The following AGBL4 variants were observed in gnomAD, a reference collection of about 807,000 sequenced individuals.
AGBL4 encodes the protein AGBL carboxypeptidase 4.
A neutral mutation model predicts 66.4 loss-of-function variants in AGBL4; 58 were observed. The observed-to-expected ratio is 0.87, with a 90% CI of 0.71 to 1.09. The LOEUF (loss-of-function observed/expected upper bound fraction) is 1.09, where lower values mean the gene tolerates loss of function less well. Among genes scored for constraint, AGBL4 ranks in the 50% least tolerant of loss-of-function variants. The probability of loss-of-function intolerance (pLI) is 0.00; values close to 1 mark genes in which losing one functional copy is unlikely to be tolerated. For synonymous variants in AGBL4, 234 were observed against 222.9 expected (o/e 1.05, Z -0.44); for missense variants, 579 against 631.0 (o/e 0.92, Z 0.88).
At chr1:48,637,581 A>G (rs1645688592) in intron 8 of AGBL4, among the ~76,000 whole-genome samples, 2 of 152,220 alleles carry the variant, frequency 1.3e-5, no homozygotes. Context: ...ACTCCTGCCC[A>G]GGACGTAAAC....
chr1:48,528,950 G>T (rs983282086), downstream of AGBL4, among the ~76,000 whole-genome samples: 15 of 152,114 alleles, frequency 9.9e-5, no homozygotes, highest in South Asian at 2.5e-3. Context: ...ATGAGGCTGG[G>T]TGAATATCAT....
chr1:48,980,737 A>C, intron 5 of AGBL4, among the ~76,000 whole-genome samples: 1 of 3,694 alleles, frequency 2.7e-4, no homozygotes, highest in African/African-American at 7.5e-4. Context: ...ATATATATAT[A>C]TATATATATA....
chr1:49,747,505 G>C (rs1651079528), intron 2 of AGBL4, among the ~76,000 whole-genome samples: 1 of 152,106 alleles, frequency 6.6e-6, no homozygotes, highest in Non-Finnish European at 1.5e-5. Flanking sequence ...TGAGATTACA[G>C]GTTAAAACTA....
chr1:49,177,389 T>C (rs981605135), intron 4 of AGBL4, among the ~76,000 whole-genome samples: 10 of 152,188 alleles, frequency 6.6e-5, no homozygotes, highest in African/African-American at 2.4e-4. Flanking sequence ...CACATCACAA[T>C]CATAATCCCC....
chr1:48,982,033 T>C (rs917392108), intron 5 of AGBL4, among the ~76,000 whole-genome samples: 2 of 152,138 alleles, frequency 1.3e-5, no homozygotes, highest in African/African-American at 4.8e-5. Context: ...ACTAGGTAGA[T>C]AAATGGTGAA....
chr1:48,927,653 G>A (rs1228119841), intron 5 of AGBL4, among the ~76,000 whole-genome samples: 2 of 152,198 alleles, frequency 1.3e-5, no homozygotes, highest in African/African-American at 2.4e-5. Flanking sequence ...TAACACTCTT[G>A]CTAAGCAGAC....
chr1:48,763,772 G>A (rs1351660264), intron 6 of AGBL4, among the ~76,000 whole-genome samples: 2 of 152,164 alleles, frequency 1.3e-5, no homozygotes, highest in African/African-American at 4.8e-5. Flanking sequence ...CAGATCATCC[G>A]ATTCTATTTT....
In AGBL4 at chr1:49,495,455, A is replaced by G. The variant is rs531006172; in HGVS notation, c.282+201858T>C. ...CTTCCAACATGGCCCAGGGAATCCA[A>G]AAGATTAGACAGCCCTGTCTTAAAG... On this transcript the variant is annotated intron_variant, in intron 3 of 13. Transcript: ENST00000371839. Among the ~76,000 whole-genome samples the G allele has an allele frequency of 4.9e-4, 75 of 152,152 alleles. 1 individual carries two copies. Among genetic ancestry groups the G allele is most frequent in the African/African-American group, 1.6e-3 (67 of 41,544 alleles).
At chr1:49,007,370 G>A (rs1661944839) in intron 5 of AGBL4, among the ~76,000 whole-genome samples, 3 of 149,298 alleles carry the variant, frequency 2.0e-5, no homozygotes, top group African/African-American at 4.9e-5. Context: ...AGAAATATGG[G>A]ACTATGTGAA....
At chr1:49,034,618 T>C (rs1287247669) in intron 5 of AGBL4, among the ~76,000 whole-genome samples, 5 of 152,052 alleles carry the variant, frequency 3.3e-5, no homozygotes, top group African/African-American at 9.7e-5. Context: ...CAGTAGGAGG[T>C]AGTTTAATCA....
intron 1 of AGBL4, among the ~76,000 whole-genome samples, chr1:49,921,097 G>C (rs985757596): frequency 6.6e-6 from 1 of 152,110 alleles, no homozygotes; most frequent in Non-Finnish European, 1.5e-5. Context: ...TCGTGGGGTG[G>C]GAGTATGGGG....
rs577273556 is a variant in AGBL4, at chr1:49,373,681, AT to A, written c.283-127818del. On this transcript the variant is annotated intron_variant, in intron 3 of 13. Coordinates refer to ENST00000371839, the MANE Select transcript of AGBL4 (RefSeq NM_032785.4). Reference sequence around the variant, plus strand: ...AATTGAGATTTGGAAAAGTTATATAATTATTCAAAGTTCTCAGGAAGAGAAA... The same window carrying A: ...AATTGAGATTTGGAAAAGTTATATAATATTCAAAGTTCTCAGGAAGAGAAA... Among the ~76,000 whole-genome samples the A allele has an allele frequency of 2.0e-3, 307 of 152,250 alleles. 4 individuals carry two copies. Among genetic ancestry groups the A allele is most frequent in the African/African-American group, 6.9e-3 (285 of 41,554 alleles).
intron 4 of AGBL4, among the ~76,000 whole-genome samples, chr1:49,158,777 A>T (rs1646483879): frequency 6.6e-6 from 1 of 151,518 alleles, no homozygotes; most frequent in South Asian, 2.1e-4. Flanking sequence ...TATATTTAGG[A>T]TAATTAGCTC....
At chr1:49,495,652 A>G (rs1647486461) in intron 3 of AGBL4, among the ~76,000 whole-genome samples, 1 of 152,064 alleles carries the variant, frequency 6.6e-6, no homozygotes, top group South Asian at 2.1e-4. Context: ...TCATGACAAC[A>G]ATGTACAATA....
At chr1:49,133,783 T>G (rs1282210534) in intron 4 of AGBL4, among the ~76,000 whole-genome samples, 1 of 152,128 alleles carries the variant, frequency 6.6e-6, no homozygotes, top group Non-Finnish European at 1.5e-5. Flanking sequence ...AAATATTTGT[T>G]GCTGAGATAA....
intron 4 of AGBL4, among the ~76,000 whole-genome samples, chr1:49,128,774 CAT>C (rs1645819885): frequency 6.6e-6 from 1 of 151,642 alleles, no homozygotes; most frequent in Non-Finnish European, 1.5e-5. Context: ...TGGAAGAACA[CAT>C]AGGAAACAAA....
chr1:49,467,407 T>C (rs932140084), intron 3 of AGBL4, among the ~76,000 whole-genome samples: 6 of 151,874 alleles, frequency 4.0e-5, no homozygotes, highest in Non-Finnish European at 5.9e-5. Flanking sequence ...TTTGTTCTCA[T>C]ACACATAATT....
At chr1:49,979,578 ACAG>A (rs971220470) in intron 1 of AGBL4, among the ~76,000 whole-genome samples, 1 of 152,204 alleles carries the variant, frequency 6.6e-6, no homozygotes, top group African/African-American at 2.4e-5. Context: ...CATAAAATTA[ACAG>A]TAGTACATAC....
At chr1:48,754,622 T>C (rs1159093936) in intron 6 of AGBL4, among the ~76,000 whole-genome samples, 1 of 152,078 alleles carries the variant, frequency 6.6e-6, no homozygotes, top group Non-Finnish European at 1.5e-5. Flanking sequence ...ACTTACAATA[T>C]GGGGGTCACG....
Sources: allele counts gnomAD v4.1 joint callset (sites outside exome capture counted in the v4.1 genomes callset), GRCh38; gene constraint gnomAD v4.1.1; transcripts MANE v1.5; gene names NCBI Gene and HGNC (gene_info 2026-07-23, HGNC 2026-07-21).